PRKCB: variants seen among roughly 807,000 people sequenced by gnomAD.
The protein encoded by PRKCB is protein kinase C beta type.
Under a neutral mutation model 81.5 loss-of-function variants are expected in PRKCB, and 13 were observed. The observed-to-expected ratio is 0.16, with a 90% CI of 0.10 to 0.25. The LOEUF (loss-of-function observed/expected upper bound fraction) is 0.25, where lower values mean the gene tolerates loss of function less well. Ranked by LOEUF, PRKCB falls within the 10% of genes least tolerant of loss-of-function variation. PRKCB has a pLI of 1.00. For missense variants in PRKCB, 509 were observed against 875.7 expected (o/e 0.58, Z 5.29); for synonymous variants, 335 against 321.4 (o/e 1.04, Z -0.45).
At chr16:24,066,075 CTGTGTGTGTGTGTG>C (rs58216806) in intron 5 of PRKCB, among the ~76,000 whole-genome samples, 6 of 139,580 alleles carry the variant, frequency 4.3e-5, no homozygotes, top group South Asian at 2.4e-4. Flanking sequence ...TGTGATGTTC[CTGTGTGTGTGTGTG>C]TGTGTGTGTG....
chr16:23,855,085 G>A (rs1372886296), intron 2 of PRKCB, among the ~76,000 whole-genome samples: 1 of 151,974 alleles, frequency 6.6e-6, no homozygotes, highest in African/African-American at 2.4e-5. Context: ...CTAAAAGCTT[G>A]AGATTCAGAG....
At chr16:24,005,949 T>C (rs535561098) in intron 3 of PRKCB, among the ~76,000 whole-genome samples, 4 of 152,166 alleles carry the variant, frequency 2.6e-5, no homozygotes, top group Non-Finnish European at 4.4e-5. Flanking sequence ...GCAATGAGGG[T>C]TGAACATCTC....
chr16:24,174,461 C>T (rs915664018), intron 11 of PRKCB, 57 bp from the exon 12 acceptor site: 396 of 1,487,222 alleles, frequency 2.7e-4, no homozygotes, highest in Non-Finnish European at 3.5e-4. Context: ...CTGAGCATTG[C>T]CAAGCATATG....
intron 16 of PRKCB, among the ~76,000 whole-genome samples, chr16:24,213,112 G>A (rs1968171862): frequency 5.3e-5 from 8 of 151,918 alleles, no homozygotes; most frequent in Admixed American, 5.2e-4. Context: ...TCAGCCGACT[G>A]CAACCTCCGC....
intron 2 of PRKCB, among the ~76,000 whole-genome samples, chr16:23,935,725 A>C (rs28374232): frequency 0.027 from 4,180 of 152,306 alleles, 84 homozygotes; most frequent in African/African-American, 0.047. Flanking sequence ...TATCCTTTGC[A>C]GCAACATGGA....
At chr16:24,088,397 T>C (rs918900017) in intron 5 of PRKCB, among the ~76,000 whole-genome samples, 21 of 152,006 alleles carry the variant, frequency 1.4e-4, no homozygotes, top group African/African-American at 4.6e-4. Context: ...CCTCAGTGAG[T>C]AATGTTTGGC....
intron 2 of PRKCB, among the ~76,000 whole-genome samples, chr16:23,908,088 G>T (rs981479538): frequency 1.3e-5 from 2 of 152,136 alleles, no homozygotes; most frequent in Admixed American, 6.5e-5. Context: ...GTGGGAGTGA[G>T]ATGGAAGAGG....
intron 3 of PRKCB, among the ~76,000 whole-genome samples, chr16:23,993,585 GC>G (rs1227736178): frequency 1.3e-5 from 2 of 152,132 alleles, no homozygotes; most frequent in African/African-American, 4.8e-5. Context: ...TGTGAGGGGA[GC>G]CCCAGCGTCC....
chr16:24,002,528 C>T (rs1750702699), intron 3 of PRKCB, among the ~76,000 whole-genome samples: 1 of 151,912 alleles, frequency 6.6e-6, no homozygotes, highest in South Asian at 2.1e-4. Flanking sequence ...TTTGTAGAGA[C>T]GGGGTTTCAC....
intron 2 of PRKCB, among the ~76,000 whole-genome samples, chr16:23,849,937 T>C (rs968152602): frequency 3.3e-5 from 5 of 152,184 alleles, no homozygotes; most frequent in Non-Finnish European, 7.3e-5. Flanking sequence ...ATTCCCCTTG[T>C]CTATCTGAAA....
At chr16:24,112,024 C>T (rs1966682020) in intron 7 of PRKCB, among the ~76,000 whole-genome samples, 1 of 152,212 alleles carries the variant, frequency 6.6e-6, no homozygotes. Context: ...ATGAGATTTG[C>T]ACCCAGACAT....
chr16:24,036,594 C>T (rs1257676659), intron 5 of PRKCB, among the ~76,000 whole-genome samples: 2 of 152,092 alleles, frequency 1.3e-5, no homozygotes, highest in African/African-American at 2.4e-5. Flanking sequence ...AGGGGCTTTA[C>T]GTAGATTGTG....
chr16:24,190,492 G>GTTT (rs11315093), intron 15 of PRKCB, among the ~76,000 whole-genome samples: 17 of 123,302 alleles, frequency 1.4e-4, no homozygotes, highest in African/African-American at 3.9e-4. Flanking sequence ...TTTTCTTTCT[G>GTTT]TTTTTTTTTT....
chr16:24,071,080 G>GC lies in PRKCB; in HGVS notation c.530-21705dup, dbSNP rs1313340531. Among the ~76,000 whole-genome samples the GC allele has an allele frequency of 3.9e-5, 6 of 152,194 alleles. No individual in the cohort carries two copies. The South Asian group carries it at 8.3e-4, about 21-fold the overall frequency. The stretch of plus-strand genomic sequence containing the variant: ...CTGTGACCTGAAGAGGGAGCTCAAA[G>GC]CCCCCCTCCACTCCAGGGCTGATGT... On this transcript the variant is annotated intron_variant, in intron 5 of 16. Transcript: ENST00000643927.
intron 2 of PRKCB, among the ~76,000 whole-genome samples, chr16:23,910,399 C>T (rs1279396635): frequency 6.6e-6 from 1 of 152,140 alleles, no homozygotes; most frequent in Non-Finnish European, 1.5e-5. Flanking sequence ...GAAACATAGT[C>T]CCTTTTCTGT....
chr16:24,064,697 G>GT (rs1368571103), intron 5 of PRKCB, among the ~76,000 whole-genome samples: 1 of 151,596 alleles, frequency 6.6e-6, no homozygotes, highest in Admixed American at 6.6e-5. Context: ...ATGATTCTGG[G>GT]TTTTTTTCCT....
chr16:24,110,863 A>G (rs1966668092), intron 7 of PRKCB, among the ~76,000 whole-genome samples: 1 of 152,068 alleles, frequency 6.6e-6, no homozygotes, highest in Non-Finnish European at 1.5e-5. Flanking sequence ...TTTAACAATT[A>G]TTTTCTATTT....
chr16:23,858,033 A>G (rs1962601133), intron 2 of PRKCB, among the ~76,000 whole-genome samples: 1 of 152,200 alleles, frequency 6.6e-6, no homozygotes. Context: ...AGGATTCAAA[A>G]ATAGACTTGG....
intron 2 of PRKCB, among the ~76,000 whole-genome samples, chr16:23,868,224 GA>G (rs1962840251): frequency 6.6e-6 from 1 of 152,128 alleles, no homozygotes; most frequent in Admixed American, 6.5e-5. Context: ...TTTACAAATA[GA>G]GGCAAGGTCA....
Sources: gnomAD v4.1 joint callset for allele counts (sites outside exome capture counted in the v4.1 genomes callset) on GRCh38, gnomAD v4.1.1 for gene constraint, MANE v1.5 for transcripts, NCBI Gene and HGNC (gene_info 2026-07-23, HGNC 2026-07-21) for gene names.